RASGRF1: variants seen among roughly 807,000 people sequenced by gnomAD.
The protein encoded by RASGRF1 is ras-specific guanine nucleotide-releasing factor 1.
A neutral mutation model predicts 138.7 loss-of-function variants in RASGRF1; 40 were observed. The observed-to-expected ratio is 0.29, with a 90% CI of 0.22 to 0.38. The LOEUF is 0.38. Among genes scored for constraint, RASGRF1 ranks in the 10% least tolerant of loss-of-function variants. The probability of loss-of-function intolerance (pLI) is 1.00; values close to 1 mark genes in which losing one functional copy is unlikely to be tolerated. For missense variants in RASGRF1, 1,108 were observed against 1,650.4 expected, an observed-to-expected ratio of 0.67 and a Z score of 5.69; for synonymous variants, 614 against 663.2, an observed-to-expected ratio of 0.93 and a Z score of 1.14.
chr15:79,058,494 G>A lies in RASGRF1; in HGVS notation c.384-13C>T, dbSNP rs865830143. 6.2e-7 allele frequency: 1 copy of A among 1,612,896 alleles called. No individual in the cohort carries two copies. On this transcript the variant is annotated splice_polypyrimidine_tract_variant and intron_variant, in intron 2 of 26. Transcript: ENST00000558480. The stretch of plus-strand genomic sequence containing the variant: ...GAGGGTCCTGTAGCTGTGGACAGAT[G>A]GACATGGCAGGTAAGATGCTGACTC...
Position 78,973,322 on chromosome 15 carries a change from T to C in RASGRF1, c.3593A>G (p.Asn1198Ser). Residue 1198 changes from asparagine to serine, a missense_variant, in exon 25 of 27, where the codon AAC becomes AGC. By Grantham distance (46) the Asn-to-Ser change is conservative (BLOSUM62 1). Around this residue, in one of 3 missense-constraint regions of RASGRF1, gnomAD observed 686 missense variants for 976.7 expected, o/e 0.70. Coordinates refer to ENST00000558480, the MANE Select transcript of RASGRF1 (RefSeq NM_001145648.3). This position sits in a 1 kb window ranked among gnomAD's most constrained non-coding sequence, Gnocchi z 4.9. ...TPNYTEDGLV[N>S]FSKMRMISHI... is the part of the protein sequence containing the mutation. ...ACGCACCATCCTCATCTTGGAGAAGTTGACCAGGCCGTCTTCCGTGTAATT... is the reference window on the plus strand; with the variant it reads ...ACGCACCATCCTCATCTTGGAGAAGCTGACCAGGCCGTCTTCCGTGTAATT... 6.2e-7 allele frequency: 1 copy of C among 1,612,600 alleles called. No individual in the cohort carries two copies. Among genetic ancestry groups the C allele is most frequent in the Non-Finnish European group, 8.5e-7 (1 of 1,178,918 alleles).
chr15:79,085,512 T>C (rs937464740), intron 1 of RASGRF1, among the ~76,000 whole-genome samples: 55 of 152,230 alleles, frequency 3.6e-4, no homozygotes, highest in African/African-American at 1.2e-3. Flanking sequence ...GGGCTGCTGC[T>C]TTTAGAGCAA....
intron 10 of RASGRF1, among the ~76,000 whole-genome samples, chr15:79,022,870 G>T (rs1276483966): frequency 6.6e-6 from 1 of 152,154 alleles, no homozygotes; most frequent in Admixed American, 6.5e-5. Flanking sequence ...CTGATGCTGT[G>T]GCTTAATTAA....
intron 19 of RASGRF1, among the ~76,000 whole-genome samples, chr15:78,997,736 C>CAAAAA (rs33965910): frequency 1.4e-4 from 16 of 112,354 alleles, no homozygotes; most frequent in Non-Finnish European, 1.9e-4. Flanking sequence ...GACTTCGCCT[C>CAAAAA]AAAAAAAAAA....
intron 5 of RASGRF1, among the ~76,000 whole-genome samples, chr15:79,045,540 C>T (rs2057345261): frequency 6.6e-6 from 1 of 152,156 alleles, no homozygotes; most frequent in Non-Finnish European, 1.5e-5. Context: ...CTCATGAGGC[C>T]AAAAGCTATT....
chr15:78,993,787 C>T (rs777430193), intron 20 of RASGRF1, among the ~76,000 whole-genome samples: 5 of 152,090 alleles, frequency 3.3e-5, no homozygotes, highest in Non-Finnish European at 5.9e-5. Flanking sequence ...CAGAGGCCTG[C>T]ACTGGTACCA....
intron 1 of RASGRF1, among the ~76,000 whole-genome samples, chr15:79,068,785 G>T (rs547923775): frequency 6.2e-4 from 94 of 152,024 alleles, no homozygotes; most frequent in African/African-American, 2.3e-3. Context: ...TATGTTTCTG[G>T]CCCACCCCTC....
chr15:78,963,757 G>A (rs1001180463), intron 26 of RASGRF1, among the ~76,000 whole-genome samples: 1 of 152,208 alleles, frequency 6.6e-6, no homozygotes, highest in African/African-American at 2.4e-5. Context: ...TGATTACTAT[G>A]TCTGATTAGC....
intron 1 of RASGRF1, among the ~76,000 whole-genome samples, chr15:79,075,638 G>T (rs184210748): frequency 6.6e-6 from 1 of 152,372 alleles, no homozygotes; most frequent in East Asian, 1.9e-4. Context: ...ACCACTGACA[G>T]TGGGGTGACC....
In RASGRF1 at chr15:78,990,374, G is replaced by C. The variant is rs139994897; in HGVS notation, c.3132-101C>G. On this transcript the variant is annotated intron_variant, in intron 21 of 26. Transcript: ENST00000558480. ...TTTTATTTTTTGGCTTTTTGAGGCT[G>C]TCATTTCTGGGGGAACAACCTTCTG... 7.1e-4 allele frequency: 563 copies of C among 792,134 alleles called. 3 individuals are homozygous for C. In the African/African-American group the frequency reaches 8.9e-3, roughly 12 times the overall value. 49.1% of individuals were successfully genotyped at this position (792,134 alleles called of 1,614,324 possible).
Position 79,017,781 on chromosome 15 carries a change from C to A in RASGRF1, c.1732G>T (p.Asp578Tyr), listed in dbSNP as rs946845669. 7 of 1,608,110 alleles carry A rather than the reference C, an allele frequency of 4.4e-6. No homozygotes were observed. The highest frequency in any genetic ancestry group is 5.1e-6 in the Non-Finnish European group (6 of 1,177,834). The part of the protein sequence containing the change: ...SRQEKAAWTS[D>Y]ISQCVDNIRC... ...GTGACGCTACTCACCTGGCTGATGT[C>A]ACTGGTCCACGCTGCCTTCTCCTGT... is the stretch of plus-strand genomic sequence containing the variant. Residue 578 changes from aspartate to tyrosine, a missense_variant, in exon 12 of 27, where the codon GAC (aspartate) becomes TAC (tyrosine). This residue lies in a region of RASGRF1 where 686 missense variants were observed against 976.7 expected (regional missense o/e 0.70). Coordinates refer to ENST00000558480, the MANE Select transcript of RASGRF1 (RefSeq NM_001145648.3).
At chr15:78,993,050 T>G (rs1007084975) in intron 20 of RASGRF1, among the ~76,000 whole-genome samples, 1 of 147,288 alleles carries the variant, frequency 6.8e-6, no homozygotes, top group South Asian at 2.2e-4. Flanking sequence ...GTGTGCCATG[T>G]GGGTGGTGTG....
chr15:78,990,079 G>T, intron 22 of RASGRF1, 110 bp downstream of exon 22: 2 of 908,930 alleles, frequency 2.2e-6, no homozygotes, highest in Non-Finnish European at 3.7e-6. Context: ...GGCTGGAGAG[G>T]ACCCAGGAGT....
chr15:79,017,691 T>G, intron 12 of RASGRF1, 79 bp downstream of exon 12: 20 of 781,072 alleles, frequency 2.6e-5, no homozygotes, highest in Non-Finnish European at 3.3e-5. Flanking sequence ...CCCCACCCCC[T>G]ACCTGCCACC....
chr15:79,013,808 T>C (rs1007505696), intron 13 of RASGRF1, among the ~76,000 whole-genome samples: 1 of 152,190 alleles, frequency 6.6e-6, no homozygotes, highest in South Asian at 2.1e-4. Flanking sequence ...ACCCAGGGCT[T>C]GGAGAGCTGC....
intron 1 of RASGRF1, among the ~76,000 whole-genome samples, chr15:79,084,328 A>G (rs550018288): frequency 9.5e-4 from 144 of 151,458 alleles, no homozygotes; most frequent in African/African-American, 3.3e-3. Context: ...CGAGCCGCCA[A>G]ATTCAACTTC....
chr15:79,027,986 G>A lies in RASGRF1; in HGVS notation c.1263-127C>T. 1.1e-6 allele frequency: 1 copy of A among 921,134 alleles called. No homozygotes were observed. The highest frequency in any genetic ancestry group is 1.7e-6 in the Non-Finnish European group (1 of 582,264). 57.1% of individuals were successfully genotyped at this position (921,134 alleles called of 1,614,324 possible). On this transcript the variant is annotated intron_variant, in intron 8 of 26. Transcript: ENST00000558480. The surrounding 1 kb of genome is among the most constrained non-coding windows in gnomAD (Gnocchi z 4.8). ...ACAAGGATTCTCAGGTGGAGTCTGT[G>A]GTCATGGAGGGGAAGGGAGTGTGCA...
intron 10 of RASGRF1, among the ~76,000 whole-genome samples, chr15:79,021,157 C>A (rs1206484805): frequency 6.6e-6 from 1 of 152,206 alleles, no homozygotes; most frequent in African/African-American, 2.4e-5. Context: ...GAGCCAAGAC[C>A]ACCCAGGTAA....
In RASGRF1 at chr15:79,090,489, C is replaced by A. The variant is rs756532907; in HGVS notation, c.10G>T (p.Gly4Trp). The change falls in exon 1 of 27, where the codon GGG becomes TGG. Residue 4 changes from glycine to tryptophan, a missense_variant. By Grantham distance (184) the Gly-to-Trp change is radical. Transcript: ENST00000558480. Reference protein sequence around the residue: MQKGIRLNDGHVAS... With the variant: MQKWIRLNDGHVAS... Reference sequence around the variant, plus strand: ...ACGTGGCCATCATTCAGCCGGATCCCCTTCTGCATGGTGCTCAGAGGCCAG... The same window carrying A: ...ACGTGGCCATCATTCAGCCGGATCCACTTCTGCATGGTGCTCAGAGGCCAG... The A allele has an allele frequency of 1.9e-6, 3 of 1,612,164 alleles. No individual in the cohort carries two copies. In the South Asian group the frequency reaches 3.3e-5, roughly 18 times the overall value.
Sources: gnomAD v4.1 joint callset for allele counts (sites outside exome capture counted in the v4.1 genomes callset) on GRCh38, gnomAD v4.1.1 for gene constraint, gnomAD v4.1.1 regional missense constraint, Gnocchi (gnomAD v3.1) non-coding constraint, MANE v1.5 for transcripts, NCBI Gene and HGNC (gene_info 2026-07-23, HGNC 2026-07-21) for gene names.